Variants in STPG2 observed in about 807,000 individuals in gnomAD.
STPG2 encodes sperm-tail PG-rich repeat-containing protein 2.
In STPG2, 56 loss-of-function variants were observed where a neutral mutation model predicts 54.2. The observed-to-expected ratio is 1.03, with a 90% CI of 0.83 to 1.29. The LOEUF is 1.29. STPG2 is among the 50% of genes most tolerant of loss of function. The pLI is 0.00. For missense variants in STPG2, 596 were observed against 544.9 expected (o/e 1.09, Z -0.93); for synonymous variants, 200 against 181.8 (o/e 1.10, Z -0.81).
intron 10 of STPG2, among the ~76,000 whole-genome samples, chr4:97,605,526 A>T (rs1468307808): frequency 6.6e-6 from 1 of 151,774 alleles, no homozygotes; most frequent in African/African-American, 2.4e-5. Context: ...TGAATATTGA[A>T]TAAAATATGT....
chr4:97,741,303 G>T (rs1020874798), intron 9 of STPG2, among the ~76,000 whole-genome samples: 1 of 152,112 alleles, frequency 6.6e-6, no homozygotes, highest in African/African-American at 2.4e-5. Flanking sequence ...ATAGGCATGG[G>T]CAAGTACTTC....
chr4:97,872,444 C>T (rs1348116164), intron 8 of STPG2, among the ~76,000 whole-genome samples: 2 of 151,030 alleles, frequency 1.3e-5, no homozygotes, highest in African/African-American at 4.8e-5. Context: ...AATTAACACA[C>T]AGAAACAAAT....
chr4:97,557,041 C>T (rs182290492), downstream of STPG2, among the ~76,000 whole-genome samples: 5 of 152,128 alleles, frequency 3.3e-5, no homozygotes, highest in African/African-American at 9.6e-5. Context: ...ATTAGCAGGG[C>T]GTGGTGGCAC....
intron 4 of STPG2, among the ~76,000 whole-genome samples, chr4:97,447,015 G>A (rs532426143): frequency 6.6e-6 from 1 of 152,336 alleles, no homozygotes; most frequent in East Asian, 1.9e-4. Flanking sequence ...ATGAGGAAAA[G>A]TTTGGAACTT....
At chr4:98,011,896 T>C (rs783935) in intron 5 of STPG2, among the ~76,000 whole-genome samples, 130,516 of 152,120 alleles carry the variant, frequency 0.86, 56,122 homozygotes, top group Middle Eastern at 0.97. Context: ...ATTTTTCTCC[T>C]ATTCTGTAGG....
At chr4:97,492,483 C>T (rs1340194647) in intron 4 of STPG2, among the ~76,000 whole-genome samples, 1 of 151,392 alleles carries the variant, frequency 6.6e-6, no homozygotes, top group African/African-American at 2.4e-5. Flanking sequence ...TTTAATTTTT[C>T]CTTTGAATGG....
At chr4:97,643,121 C>T (rs1560700154) in intron 10 of STPG2, among the ~76,000 whole-genome samples, 1 of 151,480 alleles carries the variant, frequency 6.6e-6, no homozygotes, top group Non-Finnish European at 1.5e-5. Flanking sequence ...CAGACATTTA[C>T]TGAATGCATA....
intron 8 of STPG2, among the ~76,000 whole-genome samples, chr4:97,853,341 G>A (rs903177320): frequency 2.0e-5 from 3 of 151,980 alleles, no homozygotes; most frequent in African/African-American, 7.3e-5. Context: ...GTGCTTATGT[G>A]ACACCAAAAA....
At chr4:97,793,121 T>C (rs1727054386) in intron 9 of STPG2, among the ~76,000 whole-genome samples, 1 of 151,922 alleles carries the variant, frequency 6.6e-6, no homozygotes, top group Admixed American at 6.6e-5. Context: ...GCCACTGCAC[T>C]CCAGCCTGGG....
intron 1 of STPG2, among the ~76,000 whole-genome samples, chr4:98,142,527 A>G (rs1156646576): frequency 6.7e-6 from 1 of 148,872 alleles, no homozygotes; most frequent in Non-Finnish European, 1.5e-5. Flanking sequence ...GCTCCCCTGA[A>G]GTGTGTTAAA....
At chr4:97,477,911 A>G (rs1439869491) in intron 4 of STPG2, among the ~76,000 whole-genome samples, 2 of 152,194 alleles carry the variant, frequency 1.3e-5, no homozygotes, top group Admixed American at 1.3e-4. Flanking sequence ...ATATTTGTAA[A>G]TCAGCTACTA....
intron 9 of STPG2, among the ~76,000 whole-genome samples, chr4:97,752,576 C>T (rs1236711485): frequency 6.6e-6 from 1 of 151,770 alleles, no homozygotes; most frequent in Non-Finnish European, 1.5e-5. Context: ...AAGAAAATGT[C>T]CAAACTCTTC....
intron 4 of STPG2, among the ~76,000 whole-genome samples, chr4:97,506,555 T>C (rs998592172): frequency 6.6e-6 from 1 of 151,872 alleles, no homozygotes; most frequent in Non-Finnish European, 1.5e-5. Flanking sequence ...AAATGGAAAG[T>C]GTTTTATATA....
intron 5 of STPG2, among the ~76,000 whole-genome samples, chr4:98,032,665 T>A (rs1736634073): frequency 6.6e-6 from 1 of 152,168 alleles, no homozygotes; most frequent in South Asian, 2.1e-4. Context: ...ACATCGTGCT[T>A]ATTCTAAAAT....
At chr4:98,052,310 G>A (rs969146328) in intron 5 of STPG2, among the ~76,000 whole-genome samples, 3 of 152,036 alleles carry the variant, frequency 2.0e-5, no homozygotes, top group African/African-American at 7.2e-5. Flanking sequence ...GAATATACCT[G>A]AACTTATCAA....
chr4:97,457,280 T>A (rs973287053), intron 4 of STPG2, among the ~76,000 whole-genome samples: 1 of 152,244 alleles, frequency 6.6e-6, no homozygotes, highest in Non-Finnish European at 1.5e-5. Context: ...TGAACACTTA[T>A]GTCTATTCAA....
At chr4:97,653,930 C>CTTGGGGAAATGG (rs575668654) in intron 10 of STPG2, among the ~76,000 whole-genome samples, 106 of 152,224 alleles carry the variant, frequency 7.0e-4, no homozygotes, top group African/African-American at 2.5e-3. Flanking sequence ...CACAGGGAAA[C>CTTGGGGAAATGG]TTGGGGAAAT....
chr4:97,447,447 T>C (rs564858661), intron 4 of STPG2, among the ~76,000 whole-genome samples: 2 of 152,308 alleles, frequency 1.3e-5, no homozygotes, highest in South Asian at 4.1e-4. Context: ...CAGCCCCTCC[T>C]ATCACAGGCC....
intron 8 of STPG2, among the ~76,000 whole-genome samples, chr4:97,850,318 A>ATAAT (rs1729113109): frequency 1.5e-5 from 2 of 136,056 alleles, no homozygotes; most frequent in African/African-American, 5.0e-5. Context: ...AAATAAATAA[A>ATAAT]TAAATAAAGA....
Sources: gnomAD v4.1 joint callset for allele counts (sites outside exome capture counted in the v4.1 genomes callset) on GRCh38, gnomAD v4.1.1 for gene constraint, MANE v1.5 for transcripts, NCBI Gene and HGNC (gene_info 2026-07-23, HGNC 2026-07-21) for gene names.